Variants in CUX1 observed in about 807,000 individuals in gnomAD.
The protein encoded by CUX1 is protein CASP.
In CUX1, 31 loss-of-function variants were observed where a neutral mutation model predicts 158.8. The ratio of observed to expected loss-of-function variants is 0.20; its 90% CI spans 0.15 to 0.26. CUX1 has a LOEUF of 0.26. CUX1 is among the 10% of genes least tolerant of loss of function. The pLI, the probability that CUX1 is intolerant of heterozygous loss-of-function variation, is 1.00. For missense variants in CUX1, 1,589 were observed against 2,014.6 expected (o/e 0.79, Z 4.04); for synonymous variants, 879 against 862.1 (o/e 1.02, Z -0.34).
chr7:101,976,734 A>AT (rs1260735897), intron 2 of CUX1, among the ~76,000 whole-genome samples: 1 of 152,108 alleles, frequency 6.6e-6, no homozygotes, highest in African/African-American at 2.4e-5. Context: ...AGTGCGTCTC[A>AT]TTATACTGGA....
At chr7:102,188,026 T>G (rs1267442641) in intron 11 of CUX1, among the ~76,000 whole-genome samples, 2 of 151,786 alleles carry the variant, frequency 1.3e-5, no homozygotes, top group Non-Finnish European at 2.9e-5. Flanking sequence ...CTGGGCAACA[T>G]AGCAAGACCC....
At chr7:102,079,369 C>T (rs1156556528) in intron 4 of CUX1, among the ~76,000 whole-genome samples, 4 of 151,352 alleles carry the variant, frequency 2.6e-5, no homozygotes, top group East Asian at 3.9e-4. Flanking sequence ...ACCTGGGAGG[C>T]GGAGGTGGCA....
chr7:102,257,375 C>T lies in CUX1; in HGVS notation c.*8333C>T, dbSNP rs537024373. On this transcript the variant is annotated 3_prime_UTR_variant, in exon 24 of 24. Transcript: ENST00000292535. ...CTCTCAAACCATCTTCTGCCTCTTC[C>T]CTTGAGAAAACGGGCATCTCACGTA... is the stretch of plus-strand genomic sequence containing the variant. 40 of 984,842 alleles carry T rather than the reference C, an allele frequency of 4.1e-5. 1 individual carries two copies. In the South Asian group the frequency reaches 1.6e-3, roughly 41 times the overall value. The allele number at this position is 984,842 out of a possible 1,614,324, so 61.0% of individuals were successfully genotyped here. A position where few individuals can be genotyped will look rare whatever the true frequency, so the allele number is the denominator to read the frequency against.
At position 102,102,080 on chromosome 7, in the gene CUX1, G is replaced by A. The variant is rs782629362; in HGVS notation, c.407-2256G>A. Among the ~76,000 whole-genome samples the A allele has an allele frequency of 3.4e-4, 52 of 152,170 alleles. No homozygotes were observed. In the Middle Eastern group the frequency reaches 0.02, roughly 60 times the overall value. ...CTCGTCCGTATGGCTTGAGAGAGAC[G>A]TATCACCAACCACTGTGTGCACAGA... is the stretch of plus-strand genomic sequence containing the variant. On this transcript the variant is annotated intron_variant, in intron 5 of 23. Transcript: ENST00000292535.
At chr7:101,950,047 G>A (rs1206313362) in intron 2 of CUX1, among the ~76,000 whole-genome samples, 3 of 152,042 alleles carry the variant, frequency 2.0e-5, no homozygotes, top group Admixed American at 6.6e-5. Flanking sequence ...TCACCCTGTC[G>A]ATCAGGCTGG....
intron 2 of CUX1, among the ~76,000 whole-genome samples, chr7:101,963,726 C>G (rs952775685): frequency 6.6e-6 from 1 of 152,174 alleles, no homozygotes; most frequent in Non-Finnish European, 1.5e-5. Flanking sequence ...AATCATGGCT[C>G]ACTGCAGCCT....
At chr7:102,232,968 G>T (rs1444123872) in intron 21 of CUX1, among the ~76,000 whole-genome samples, 3 of 152,126 alleles carry the variant, frequency 2.0e-5, no homozygotes, top group Admixed American at 1.3e-4. Flanking sequence ...CTGTGATTGT[G>T]GGTTGCCTGC....
intron 10 of CUX1, among the ~76,000 whole-genome samples, chr7:102,170,803 C>G (rs557425307): frequency 2.0e-5 from 3 of 151,174 alleles, no homozygotes; most frequent in Non-Finnish European, 4.4e-5. Flanking sequence ...GTGGAGGCTA[C>G]GCAGGCACAG....
chr7:102,187,324 G>A (rs1045518981), intron 11 of CUX1, among the ~76,000 whole-genome samples: 11 of 151,810 alleles, frequency 7.2e-5, no homozygotes, highest in Admixed American at 4.6e-4. Flanking sequence ...GTGTGACCTC[G>A]TCACTACAAA....
At chr7:102,238,972 C>G (rs1799880442) in intron 22 of CUX1, among the ~76,000 whole-genome samples, 1 of 152,200 alleles carries the variant, frequency 6.6e-6, no homozygotes, top group Non-Finnish European at 1.5e-5. Flanking sequence ...TCACTGCAAC[C>G]TCCACCTCCC....
intron 6 of CUX1, among the ~76,000 whole-genome samples, chr7:102,110,571 A>G (rs1246624924): frequency 6.6e-6 from 1 of 152,176 alleles, no homozygotes; most frequent in Non-Finnish European, 1.5e-5. Flanking sequence ...AGTTTATGTT[A>G]CACTATAGTG....
intron 1 of CUX1, among the ~76,000 whole-genome samples, chr7:101,843,667 A>G (rs951581370): frequency 4.6e-5 from 7 of 152,062 alleles, no homozygotes; most frequent in Middle Eastern, 3.4e-3. Context: ...TCTAAAGGCT[A>G]TTAATATCTT....
chr7:102,259,566 C>T (rs1432677231), downstream of CUX1, among the ~76,000 whole-genome samples: 1 of 151,980 alleles, frequency 6.6e-6, no homozygotes, highest in Admixed American at 6.6e-5. Context: ...CCGGCCTGGG[C>T]GATAGAGCGA....
intron 4 of CUX1, among the ~76,000 whole-genome samples, chr7:102,083,489 A>G (rs893107704): frequency 1.2e-4 from 18 of 146,554 alleles, no homozygotes; most frequent in African/African-American, 4.4e-4. Flanking sequence ...TGTTTTTTCT[A>G]GACATGAGGT....
chr7:102,063,354 A>C (rs1825150229), intron 3 of CUX1, among the ~76,000 whole-genome samples: 1 of 151,266 alleles, frequency 6.6e-6, no homozygotes, highest in Admixed American at 6.6e-5. Flanking sequence ...CTACACAGAG[A>C]ACTCTTTACA....
chr7:101,951,750 G>T (rs1348389985), intron 2 of CUX1, among the ~76,000 whole-genome samples: 1 of 152,146 alleles, frequency 6.6e-6, no homozygotes, highest in Non-Finnish European at 1.5e-5. Context: ...CTTGTGATCC[G>T]CCCGCATCGG....
chr7:101,886,360 AT>A (rs920731301), intron 1 of CUX1, among the ~76,000 whole-genome samples: 9 of 150,662 alleles, frequency 6.0e-5, no homozygotes, highest in African/African-American at 2.2e-4. Flanking sequence ...TGCCCAACTA[AT>A]TTTTTTTTGT....
intron 2 of CUX1, among the ~76,000 whole-genome samples, chr7:101,959,921 A>G (rs1051690954): frequency 2.0e-5 from 3 of 152,190 alleles, no homozygotes; most frequent in African/African-American, 7.2e-5. Flanking sequence ...GCTTTTTAGA[A>G]TACCATTGTT....
At chr7:101,990,595 G>A (rs1343557250) in intron 2 of CUX1, among the ~76,000 whole-genome samples, 1 of 151,866 alleles carries the variant, frequency 6.6e-6, no homozygotes, top group Admixed American at 6.6e-5. Context: ...CAGGCTGATC[G>A]TGAACTCCTG....
Sources: allele counts gnomAD v4.1 joint callset (sites outside exome capture counted in the v4.1 genomes callset), GRCh38; gene constraint gnomAD v4.1.1; transcripts MANE v1.5; gene names NCBI Gene and HGNC (gene_info 2026-07-23, HGNC 2026-07-21).